AVEN: variants seen among roughly 807,000 people sequenced by gnomAD.
The protein encoded by AVEN is cell death regulator Aven.
AVEN carries 41 observed loss-of-function variants against 38.1 expected under a neutral mutation model. The observed-to-expected ratio is 1.08, with a 90% CI of 0.84 to 1.40. The LOEUF is 1.40. Among genes scored for constraint, AVEN ranks in the 40% most tolerant of loss-of-function variants. The probability of loss-of-function intolerance (pLI) is 0.00; values close to 1 mark genes in which losing one functional copy is unlikely to be tolerated. For synonymous variants in AVEN, 206 were observed against 171.8 expected, an observed-to-expected ratio of 1.20 and a Z score of -1.56; for missense variants, 605 against 438.8, an observed-to-expected ratio of 1.38 and a Z score of -3.38.
intron 2 of AVEN, among the ~76,000 whole-genome samples, chr15:33,907,224 A>G (rs541159658): frequency 6.6e-6 from 1 of 152,284 alleles, no homozygotes; most frequent in South Asian, 2.1e-4. Context: ...CTAGGCACCA[A>G]GTTAACTGGG....
intron 2 of AVEN, among the ~76,000 whole-genome samples, chr15:33,958,076 G>T (rs1164634250): frequency 6.6e-6 from 1 of 152,140 alleles, no homozygotes; most frequent in African/African-American, 2.4e-5. Flanking sequence ...TCTATAACTT[G>T]TTTGTAGAAG....
At chr15:33,873,054 T>G (rs1891054340) in intron 3 of AVEN, among the ~76,000 whole-genome samples, 1 of 151,240 alleles carries the variant, frequency 6.6e-6, no homozygotes. Context: ...TCCCACTCCC[T>G]TTAACTGCAA....
chr15:34,010,498 G>A (rs1313822848), intron 1 of AVEN, among the ~76,000 whole-genome samples: 2 of 152,086 alleles, frequency 1.3e-5, no homozygotes. Flanking sequence ...AGTTTTTGCA[G>A]GTCCCTGGTT....
intron 2 of AVEN, among the ~76,000 whole-genome samples, chr15:33,933,524 CAG>C (rs3086294): frequency 0.017 from 772 of 46,314 alleles, 3 homozygotes; most frequent in Middle Eastern, 0.026. Flanking sequence ...CACACACACA[CAG>C]AGAGAGAGAG....
At chr15:34,030,076 C>T (rs1597370811) in intron 1 of AVEN, among the ~76,000 whole-genome samples, 1 of 151,814 alleles carries the variant, frequency 6.6e-6, no homozygotes, top group African/African-American at 2.4e-5. Context: ...CAACATGGTG[C>T]GACCCCATCT....
At chr15:33,893,349 T>C (rs1450819418) in intron 2 of AVEN, among the ~76,000 whole-genome samples, 1 of 152,200 alleles carries the variant, frequency 6.6e-6, no homozygotes, top group Non-Finnish European at 1.5e-5. Flanking sequence ...TGATATTGGC[T>C]GTATCTCCAC....
chr15:33,941,777 T>C (rs1404675597), intron 2 of AVEN, among the ~76,000 whole-genome samples: 1 of 152,160 alleles, frequency 6.6e-6, no homozygotes, highest in African/African-American at 2.4e-5. Context: ...TCCTCATTCA[T>C]ATGGAAAACG....
At chr15:34,060,973 G>A (rs1231607975) in intron 5 of AVEN, among the ~76,000 whole-genome samples, 2 of 149,180 alleles carry the variant, frequency 1.3e-5, no homozygotes, top group Non-Finnish European at 3.0e-5. Context: ...CCGAGATAGC[G>A]CCACTGTACT....
chr15:33,931,463 T>C (rs575281844), intron 2 of AVEN, among the ~76,000 whole-genome samples: 24 of 144,694 alleles, frequency 1.7e-4, no homozygotes, highest in South Asian at 4.5e-4. Flanking sequence ...CTCCGCCTCC[T>C]GGGTTCACGC....
chr15:33,978,399 C>T (rs1049636171), intron 2 of AVEN, among the ~76,000 whole-genome samples: 22 of 152,178 alleles, frequency 1.4e-4, no homozygotes, highest in Non-Finnish European at 2.9e-5. Flanking sequence ...CACGATGGCT[C>T]ACGCCTGTAA....
At chr15:33,927,806 G>C (rs1893681872) in intron 2 of AVEN, among the ~76,000 whole-genome samples, 1 of 152,200 alleles carries the variant, frequency 6.6e-6, no homozygotes, top group South Asian at 2.1e-4. Flanking sequence ...GGGTGGCTTT[G>C]GTGTGGCCCT....
chr15:34,047,073 G>GGT (rs1440638734), intron 5 of AVEN, among the ~76,000 whole-genome samples: 4 of 145,146 alleles, frequency 2.8e-5, no homozygotes, highest in African/African-American at 7.6e-5. Flanking sequence ...TTTTTTGTTG[G>GGT]TTTTTTTTTT....
intron 11 of AVEN, chr15:33,860,656 G>A: frequency 1.3e-6 from 2 of 1,586,280 alleles, no homozygotes; most frequent in East Asian, 2.3e-5. Flanking sequence ...GAGAAGATAT[G>A]GAGGTAATGT....
downstream of AVEN, among the ~76,000 whole-genome samples, chr15:33,862,497 G>T (rs1207991744): frequency 6.6e-6 from 1 of 152,136 alleles, no homozygotes; most frequent in African/African-American, 2.4e-5. Flanking sequence ...GTGAGCCACT[G>T]GGCTGAGCCC....
chr15:33,981,615 T>G (rs1157836952), intron 2 of AVEN, among the ~76,000 whole-genome samples: 1 of 151,664 alleles, frequency 6.6e-6, no homozygotes, highest in Non-Finnish European at 1.5e-5. Flanking sequence ...GGGGCGAGAG[T>G]GCAATATAAA....
chr15:33,908,855 G>T (rs1172232219), intron 2 of AVEN, among the ~76,000 whole-genome samples: 4 of 152,234 alleles, frequency 2.6e-5, no homozygotes, highest in African/African-American at 7.2e-5. Context: ...ACAGAAGTCT[G>T]CAGGAGAAAA....
rs200288533 is a variant in AVEN at position 34,073,973 on chromosome 15, C to CT, written n.720+462dup. Among the ~76,000 whole-genome samples, 447 of 102,874 alleles carry CT rather than the reference C, an allele frequency of 4.3e-3. 9 individuals are homozygous for CT. The highest frequency in any genetic ancestry group is 0.02 in the African/African-American group (428 of 21,166). The allele number at this position is 102,874 out of a possible 152,430, so 67.5% of individuals were successfully genotyped here. On this transcript the variant is annotated intron_variant and non_coding_transcript_variant, in intron 1 of 11. Coordinates refer to the AVEN transcript ENST00000675287. ...AACAATTACTGTTTGGAGGAACTTT[C>CT]TTTTTTCTTCTTCTTCTTTTTTTTT... is the stretch of plus-strand genomic sequence containing the variant.
rs139968966 is a variant in AVEN, at chr15:33,984,671, G to A, written c.445+18361C>T. Among the ~76,000 whole-genome samples, 160 of 152,196 alleles carry A rather than the reference G, an allele frequency of 1.1e-3. 1 individual carries two copies. The highest frequency in any genetic ancestry group is 3.5e-3 in the African/African-American group (145 of 41,558). ...CCCGTCTTGGCCTCCCAAAGTGCTC[G>A]GATTACAGGTGTGAGGCACTGCACC... On this transcript the variant is annotated intron_variant, in intron 2 of 5. Transcript: ENST00000306730.
chr15:34,002,767 G>A (rs1046218031), intron 2 of AVEN, among the ~76,000 whole-genome samples: 1 of 152,140 alleles, frequency 6.6e-6, no homozygotes, highest in Non-Finnish European at 1.5e-5. Context: ...ACAGCAGCAT[G>A]GCTCAGCTTT....
Sources: gnomAD v4.1 joint callset for allele counts (sites outside exome capture counted in the v4.1 genomes callset) on GRCh38, gnomAD v4.1.1 for gene constraint, MANE v1.5 for transcripts, NCBI Gene and HGNC (gene_info 2026-07-23, HGNC 2026-07-21) for gene names.